ZNF423: variants seen among roughly 807,000 people sequenced by gnomAD.
The protein encoded by ZNF423 is zinc finger protein 423, also known as Ebf-associated zinc finger protein.
A neutral mutation model predicts 95.8 loss-of-function variants in ZNF423; 12 were observed. The ratio of observed to expected loss-of-function variants is 0.13; its 90% CI spans 0.08 to 0.20. The LOEUF (loss-of-function observed/expected upper bound fraction) is 0.20, where lower values mean the gene tolerates loss of function less well. Among genes scored for constraint, ZNF423 ranks in the 10% least tolerant of loss-of-function variants. The pLI is 1.00. For synonymous variants in ZNF423, 749 were observed against 711.9 expected (o/e 1.05, Z -0.83); for missense variants, 1,316 against 1,737.1 (o/e 0.76, Z 4.31).
intron 3 of ZNF423, among the ~76,000 whole-genome samples, chr16:49,671,359 C>T (rs1185664927): frequency 6.6e-6 from 1 of 152,218 alleles, no homozygotes; most frequent in Non-Finnish European, 1.5e-5. Flanking sequence ...ACCATAGGCC[C>T]TGGGTCCTGT....
intron 3 of ZNF423, among the ~76,000 whole-genome samples, chr16:49,657,113 G>A (rs2029917263): frequency 1.3e-5 from 2 of 152,232 alleles, no homozygotes; most frequent in Admixed American, 1.3e-4. Flanking sequence ...CAGGATGTCT[G>A]GATTGGGTCC....
At chr16:49,596,893 C>T (rs940453294) in intron 5 of ZNF423, among the ~76,000 whole-genome samples, 12 of 152,226 alleles carry the variant, frequency 7.9e-5, no homozygotes, top group African/African-American at 2.7e-4. Context: ...CAGGGCCACA[C>T]GCCAGGAAGC....
rs1237166249 is a variant in ZNF423 at position 49,490,083 on chromosome 16, A to G, written c.*1192T>C. Reference sequence around the variant, plus strand: ...CCCCGCCACCAGTCTCAATGCTCTCACATCCTACTGATCTCTATGACTGGG... The same window carrying G: ...CCCCGCCACCAGTCTCAATGCTCTCGCATCCTACTGATCTCTATGACTGGG... On this transcript the variant is annotated 3_prime_UTR_variant, in exon 8 of 8. Coordinates refer to ENST00000563137, the MANE Select transcript of ZNF423 (RefSeq NM_001379286.1). 6.6e-6 allele frequency: 1 copy of G among 152,302 alleles called. No homozygotes were observed. The highest frequency in any genetic ancestry group is 1.9e-4 in the East Asian group (1 of 5,190). 9.4% of individuals were successfully genotyped at this position (152,302 alleles called of 1,614,324 possible). A position where few individuals can be genotyped will look rare whatever the true frequency, so the allele number is the denominator to read the frequency against.
At position 49,762,677 on chromosome 16, in the gene ZNF423, C is replaced by G. The variant is rs141573713; in HGVS notation, c.100+26810G>C. ...GACTGGAGGGCTGGCAGCTGTCACT[C>G]AGGAGGTGCAAGGACACTCCAGACT... On this transcript the variant is annotated intron_variant, in intron 2 of 7. Transcript: ENST00000563137. Among the ~76,000 whole-genome samples, 862 of 152,312 alleles carry G rather than the reference C, an allele frequency of 5.7e-3. 11 individuals are homozygous for G. The highest frequency in any genetic ancestry group is 0.02 in the African/African-American group (830 of 41,574).
chr16:49,693,304 G>A (rs1356899648), intron 3 of ZNF423, among the ~76,000 whole-genome samples: 2 of 152,136 alleles, frequency 1.3e-5, no homozygotes, highest in Non-Finnish European at 2.9e-5. Flanking sequence ...ATATGCTATC[G>A]TTAGTTCCAT....
chr16:49,554,846 G>T (rs540787511), intron 5 of ZNF423, among the ~76,000 whole-genome samples: 1 of 151,864 alleles, frequency 6.6e-6, no homozygotes, highest in Non-Finnish European at 1.5e-5. Flanking sequence ...AATCTTACAC[G>T]AGACCTTCAG....
chr16:49,727,507 C>A (rs1216055844), intron 3 of ZNF423, among the ~76,000 whole-genome samples: 4 of 151,826 alleles, frequency 2.6e-5, no homozygotes, highest in Admixed American at 2.6e-4. Context: ...ACCCCAACTG[C>A]CATAGAAAGA....
intron 5 of ZNF423, among the ~76,000 whole-genome samples, chr16:49,596,317 G>A (rs1971177200): frequency 1.3e-5 from 2 of 152,130 alleles, no homozygotes. Flanking sequence ...TCAGCCTTAG[G>A]TAATTACCAG....
At chr16:49,628,070 C>T (rs1430228921) in intron 4 of ZNF423, among the ~76,000 whole-genome samples, 1 of 149,822 alleles carries the variant, frequency 6.7e-6, no homozygotes, top group African/African-American at 2.5e-5. Flanking sequence ...TATATACATA[C>T]CCACCCATCC....
chr16:49,583,373 T>C (rs536389128), intron 5 of ZNF423, among the ~76,000 whole-genome samples: 12 of 152,342 alleles, frequency 7.9e-5, no homozygotes, highest in South Asian at 6.2e-4. Context: ...CTTGTGATGA[T>C]GCTAATCACA....
At chr16:49,756,478 C>A (rs988729367) in intron 2 of ZNF423, among the ~76,000 whole-genome samples, 1 of 152,212 alleles carries the variant, frequency 6.6e-6, no homozygotes, top group Admixed American at 6.5e-5. Context: ...CACACTGATA[C>A]GGAATTGGAC....
chr16:49,811,464 G>A (rs935842332), intron 1 of ZNF423, among the ~76,000 whole-genome samples: 1 of 152,124 alleles, frequency 6.6e-6, no homozygotes, highest in African/African-American at 2.4e-5. Context: ...AGTGTGCTTA[G>A]CAGGGTCCCA....
intron 5 of ZNF423, among the ~76,000 whole-genome samples, chr16:49,539,339 C>T (rs2151734876): frequency 6.6e-6 from 1 of 152,296 alleles, no homozygotes; most frequent in Middle Eastern, 3.4e-3. Context: ...GAACCCCATA[C>T]CACCTCAGCC....
chr16:49,710,275 C>T (rs544480971), intron 3 of ZNF423, among the ~76,000 whole-genome samples: 1 of 152,286 alleles, frequency 6.6e-6, no homozygotes, highest in African/African-American at 2.4e-5. Context: ...ATTCTTCTTC[C>T]ACACTTCCCA....
Position 49,490,986 on chromosome 16 carries a change from G to A in ZNF423, c.*289C>T. On this transcript the variant is annotated 3_prime_UTR_variant, in exon 8 of 8. Transcript: ENST00000563137. ...ATACATGAAGGAACAAAGGACAATAGCCTTAAAAAGCAGGTTTCTCTAACT... is the reference window on the plus strand; with the variant it reads ...ATACATGAAGGAACAAAGGACAATAACCTTAAAAAGCAGGTTTCTCTAACT... The A allele has an allele frequency of 4.5e-6, 2 of 444,122 alleles. No homozygotes were observed. Among genetic ancestry groups the A allele is most frequent in the Non-Finnish European group, 8.2e-6 (2 of 245,242 alleles). The allele number at this position is 444,122 out of a possible 1,614,324, so 27.5% of individuals were successfully genotyped here. A position where few individuals can be genotyped will look rare whatever the true frequency, so the allele number is the denominator to read the frequency against.
chr16:49,616,286 T>C (rs189675459), intron 5 of ZNF423, among the ~76,000 whole-genome samples: 167 of 152,092 alleles, frequency 1.1e-3, no homozygotes, highest in Middle Eastern at 3.4e-3. Flanking sequence ...ACTGAACTCA[T>C]GGAGATAGAG....
At position 49,492,960 on chromosome 16, in the gene ZNF423, C is replaced by T. The variant is rs1243134892; in HGVS notation, c.3850-1656G>A. Among the ~76,000 whole-genome samples the T allele has an allele frequency of 6.6e-6, 1 of 152,126 alleles. No homozygotes were observed. Among genetic ancestry groups the T allele is most frequent in the Non-Finnish European group, 1.5e-5 (1 of 68,014 alleles). ...TGCACCCCATGGGCACCGCAGTCTG[C>T]AAATCACCCGCATTCTGCACCAGAC... On this transcript the variant is annotated intron_variant, in intron 7 of 7. Transcript: ENST00000563137. This position sits in a 1 kb window ranked among gnomAD's most constrained non-coding sequence, Gnocchi z 4.2.
intron 3 of ZNF423, among the ~76,000 whole-genome samples, chr16:49,699,583 C>CA (rs1473583020): frequency 6.6e-6 from 1 of 151,936 alleles, no homozygotes. Context: ...TATGTGTTTT[C>CA]AAAAGAATCT....
intron 3 of ZNF423, among the ~76,000 whole-genome samples, chr16:49,726,856 CAAAAAAAAAAAAAA>C (rs368675702): frequency 1.4e-4 from 13 of 94,756 alleles, no homozygotes; most frequent in East Asian, 6.9e-4. Flanking sequence ...TTCCCCCTAG[CAAAAAAAAAAAAAA>C]AAAAAAAAAA....
Sources: allele counts gnomAD v4.1 joint callset (sites outside exome capture counted in the v4.1 genomes callset), GRCh38; gene constraint gnomAD v4.1.1; non-coding constraint Gnocchi (gnomAD v3.1); transcripts MANE v1.5; gene names NCBI Gene and HGNC (gene_info 2026-07-23, HGNC 2026-07-21).